HAS2: variants seen among roughly 807,000 people sequenced by gnomAD.
The protein encoded by HAS2 is hyaluronan synthase 2, also known as HA synthase 2.
In HAS2, 16 loss-of-function variants were observed where a neutral mutation model predicts 51.6. The ratio of observed to expected loss-of-function variants is 0.31; its 90% CI spans 0.21 to 0.47. The LOEUF is 0.47. Ranked by LOEUF, HAS2 falls within the 20% of genes least tolerant of loss-of-function variation. The pLI, the probability that HAS2 is intolerant of heterozygous loss-of-function variation, is 1.00. For synonymous variants in HAS2, 228 were observed against 235.5 expected, an observed-to-expected ratio of 0.97 and a Z score of 0.29; for missense variants, 361 against 662.6, an observed-to-expected ratio of 0.54 and a Z score of 5.00.
chr8:121,637,983 C>T (rs2130455026), intron 1 of HAS2, among the ~76,000 whole-genome samples: 1 of 152,278 alleles, frequency 6.6e-6, no homozygotes, highest in South Asian at 2.1e-4. Context: ...ATGTAACAAA[C>T]TACTTGTTCT....
At chr8:121,640,420 A>T (rs989177111) in intron 1 of HAS2, among the ~76,000 whole-genome samples, 4 of 148,326 alleles carry the variant, frequency 2.7e-5, no homozygotes, top group African/African-American at 1.0e-4. Context: ...TTCTCCCCAC[A>T]GTGTGTGTGT....
chr8:121,640,010 T>C (rs1012025863), intron 1 of HAS2: 2 of 152,190 alleles, frequency 1.3e-5, no homozygotes, highest in Admixed American at 6.5e-5. Context: ...GAATTGGCTC[T>C]GGGGACGCCG....
In HAS2 at chr8:121,629,178, A is replaced by C; in HGVS notation, c.163T>G (p.Ser55Ala). The C allele has an allele frequency of 6.2e-7, 1 of 1,614,078 alleles. No homozygotes were observed. Among genetic ancestry groups the C allele is most frequent in the Non-Finnish European group, 8.5e-7 (1 of 1,179,942 alleles). ...AACAGGCTTTGGATGATGAGGTGTG[A>C]TGCCAAAAAGGCACCATACAGTCCA... ...SFGLYGAFLA[S>A]HLIIQSLFAF... is the part of the protein sequence containing the mutation. The change falls in exon 2 of 4, where the codon TCA becomes GCA. Residue 55 changes from serine to alanine, a missense_variant. Coordinates refer to ENST00000303924, the MANE Select transcript of HAS2 (RefSeq NM_005328.3).
At chr8:121,636,836 C>T (rs2130453629) in intron 1 of HAS2, among the ~76,000 whole-genome samples, 1 of 152,312 alleles carries the variant, frequency 6.6e-6, no homozygotes, top group East Asian at 1.9e-4. Context: ...CTTTACTGAT[C>T]TCTTTCAATC....
Position 121,612,574 on chromosome 8 carries a change from AG to A in HAS2, c.*1534del, listed in dbSNP as rs1812651304. On this transcript the variant is annotated 3_prime_UTR_variant, in exon 4 of 4. Coordinates refer to ENST00000303924, the MANE Select transcript of HAS2 (RefSeq NM_005328.3). ...TATATTCCGATTGTGTTTTCAACAC[AG>A]GTCTACACAGCACCAGCTACAAGGC... 1 of 152,308 alleles carries A rather than the reference AG, an allele frequency of 6.6e-6. No homozygotes were observed. Among genetic ancestry groups the A allele is most frequent in the East Asian group, 1.9e-4 (1 of 5,182 alleles). The allele number at this position is 152,308 out of a possible 1,614,324, so 9.4% of individuals were successfully genotyped here.
chr8:121,640,776 A>G (rs1338005204), intron 1 of HAS2, 77 bp downstream of exon 1: 1 of 152,148 alleles, frequency 6.6e-6, no homozygotes, highest in Non-Finnish European at 1.5e-5. Flanking sequence ...TTTTAAAACA[A>G]TTATAAGGAT....
chr8:121,614,441 A>G lies in HAS2; in HGVS notation c.1327T>C (p.Tyr443His). 1.9e-6 allele frequency: 3 copies of G among 1,614,138 alleles called. No individual in the cohort carries two copies. The highest frequency in any genetic ancestry group is 2.5e-6 in the Non-Finnish European group (3 of 1,179,962). ...TTGGCGGGAAGTAAACTCGACATGT[A>G]TAACACTGAGTAGAGAGACATGAAG... Reference protein sequence around the residue: ...MVFMSLYSVLYMSSLLPAKMF... With the variant: ...MVFMSLYSVLHMSSLLPAKMF... Residue 443 changes from tyrosine to histidine, a missense_variant, in exon 4 of 4, where the codon TAC becomes CAC. By Grantham distance (83) the Tyr-to-His change is moderately conservative. Transcript: ENST00000303924. The surrounding 1 kb of genome is among the most constrained non-coding windows in gnomAD (Gnocchi z 7.2).
intron 1 of HAS2, among the ~76,000 whole-genome samples, chr8:121,635,079 A>G (rs1045480660): frequency 6.6e-6 from 1 of 152,170 alleles, no homozygotes; most frequent in Non-Finnish European, 1.5e-5. Context: ...CTTCAACTAA[A>G]TAAATTATCT....
At chr8:121,638,062 G>T (rs1813037491) in intron 1 of HAS2, among the ~76,000 whole-genome samples, 1 of 152,152 alleles carries the variant, frequency 6.6e-6, no homozygotes, top group East Asian at 1.9e-4. Context: ...CATAGACAAA[G>T]GACTTTCCCC....
intron 1 of HAS2, among the ~76,000 whole-genome samples, chr8:121,630,909 G>GGGATC (rs1332783234): frequency 1.3e-5 from 2 of 152,082 alleles, no homozygotes; most frequent in African/African-American, 4.8e-5. Flanking sequence ...AGGTCCTAAG[G>GGGATC]GGATCTGCAC....
At chr8:121,639,681 G>C (rs1158320161) in intron 1 of HAS2, 1 of 152,498 alleles carries the variant, frequency 6.6e-6, no homozygotes, top group African/African-American at 2.4e-5. Flanking sequence ...TCCGTGGTCA[G>C]AGGAAAAAGG....
intron 1 of HAS2, among the ~76,000 whole-genome samples, chr8:121,631,535 CT>C (rs1308570993): frequency 4.6e-5 from 7 of 152,228 alleles, no homozygotes; most frequent in Admixed American, 2.6e-4. Context: ...TGGTGTTCCA[CT>C]TCTAGCAACT....
intron 1 of HAS2, among the ~76,000 whole-genome samples, chr8:121,636,265 T>C (rs1813007003): frequency 6.6e-6 from 1 of 152,196 alleles, no homozygotes; most frequent in Non-Finnish European, 1.5e-5. Context: ...TTCCCTCTGC[T>C]ACTGTCCCTA....
chr8:121,634,908 A>G (rs755512044), intron 1 of HAS2, among the ~76,000 whole-genome samples: 5 of 152,180 alleles, frequency 3.3e-5, no homozygotes, highest in Middle Eastern at 3.2e-3. Flanking sequence ...TGTAAGTTGC[A>G]ATCTGAGCTA....
intron 1 of HAS2, among the ~76,000 whole-genome samples, chr8:121,638,418 T>C (rs537974544): frequency 6.6e-6 from 1 of 152,326 alleles, no homozygotes; most frequent in South Asian, 2.1e-4. Context: ...CTTTCTTTGA[T>C]AAAGGGATTC....
chr8:121,622,473 T>C (rs1016807448), intron 2 of HAS2, among the ~76,000 whole-genome samples: 1 of 152,194 alleles, frequency 6.6e-6, no homozygotes, highest in East Asian at 1.9e-4. Flanking sequence ...ATCTACCTCA[T>C]AAGTTTGTTG....
chr8:121,635,316 TAAAATAGATTA>T (rs1812994950), intron 1 of HAS2, among the ~76,000 whole-genome samples: 1 of 152,194 alleles, frequency 6.6e-6, no homozygotes, highest in Non-Finnish European at 1.5e-5. Context: ...TATTGACTCA[TAAAATAGATTA>T]TGAGATTTAA....
At chr8:121,636,463 C>T (rs1489071571) in intron 1 of HAS2, among the ~76,000 whole-genome samples, 1 of 152,166 alleles carries the variant, frequency 6.6e-6, no homozygotes, top group Non-Finnish European at 1.5e-5. Flanking sequence ...AGTCCCACTG[C>T]AGTTATCCTA....
intron 2 of HAS2, among the ~76,000 whole-genome samples, chr8:121,627,657 C>A (rs1025507892): frequency 3.3e-5 from 5 of 152,162 alleles, no homozygotes; most frequent in African/African-American, 1.2e-4. Context: ...CCACGGTCAA[C>A]CAGCTAGTAA....
Sources: gnomAD v4.1 joint callset for allele counts (sites outside exome capture counted in the v4.1 genomes callset) on GRCh38, gnomAD v4.1.1 for gene constraint, Gnocchi (gnomAD v3.1) non-coding constraint, MANE v1.5 for transcripts, NCBI Gene and HGNC (gene_info 2026-07-23, HGNC 2026-07-21) for gene names.